Variants in GYPB observed in about 807,000 individuals in gnomAD.
The protein encoded by GYPB is glycophorin B (MNS blood group).
Under a neutral mutation model 15.3 loss-of-function variants are expected in GYPB, and 13 were observed. The observed-to-expected ratio is 0.85, with a 90% CI of 0.55 to 1.35. The LOEUF (loss-of-function observed/expected upper bound fraction) is 1.35. GYPB is among the 40% of genes most tolerant of loss of function. The probability of loss-of-function intolerance (pLI) is 0.00; values close to 1 mark genes in which losing one functional copy is unlikely to be tolerated. For synonymous variants in GYPB, 38 were observed against 36.9 expected, an observed-to-expected ratio of 1.03 and a Z score of -0.11; for missense variants, 131 against 108.3, an observed-to-expected ratio of 1.21 and a Z score of -0.93.
At chr4:144,007,321 C>G (rs1247535142) in intron 1 of GYPB, among the ~76,000 whole-genome samples, 1 of 151,896 alleles carries the variant, frequency 6.6e-6, no homozygotes, top group African/African-American at 2.4e-5. Context: ...ATGGAATGAG[C>G]CAGTTTCTGC....
chr4:144,009,601 C>CTTTTTTTTTTTTTTTTTTTTTT (rs55807150), intron 1 of GYPB, among the ~76,000 whole-genome samples: 1 of 57,804 alleles, frequency 1.7e-5, no homozygotes, highest in Admixed American at 3.3e-4. Context: ...TTTTTTCTTT[C>CTTTTTTTTTTTTTTTTTTTTTT]TTTTTTTTTT....
At chr4:144,016,427 C>T (rs1413525090) in intron 1 of GYPB, among the ~76,000 whole-genome samples, 2 of 147,430 alleles carry the variant, frequency 1.4e-5, no homozygotes, top group African/African-American at 5.2e-5. Flanking sequence ...TCTTTTCTTT[C>T]TTCCTTCCTC....
intron 1 of GYPB, among the ~76,000 whole-genome samples, chr4:144,015,165 C>G (rs555392122): frequency 6.6e-6 from 1 of 151,498 alleles, no homozygotes; most frequent in African/African-American, 2.4e-5. Flanking sequence ...TATATTAAAA[C>G]TTGTCCTGAT....
At chr4:144,000,998 C>G (rs1727590933) in intron 2 of GYPB, among the ~76,000 whole-genome samples, 187 bp downstream of exon 2, 1 of 151,336 alleles carries the variant, frequency 6.6e-6, no homozygotes, top group South Asian at 2.1e-4. Context: ...AGTATTATTT[C>G]TGTGAGATAT....
chr4:143,995,654 C>G (rs952038085), downstream of GYPB, among the ~76,000 whole-genome samples: 24 of 151,092 alleles, frequency 1.6e-4, 1 homozygote, highest in African/African-American at 5.7e-4. Context: ...TCTACGTGCT[C>G]CTACCCCTGT....
At chr4:144,005,964 A>G (rs1229801175) in intron 1 of GYPB, among the ~76,000 whole-genome samples, 1 of 151,556 alleles carries the variant, frequency 6.6e-6, no homozygotes, top group Admixed American at 6.6e-5. Context: ...GGCTTAGGTC[A>G]CCTAGCAGGC....
chr4:143,998,309 C>G (rs558255163), intron 3 of GYPB, among the ~76,000 whole-genome samples: 1 of 151,458 alleles, frequency 6.6e-6, no homozygotes, highest in Admixed American at 6.6e-5. Context: ...GAGATATTTC[C>G]ATATTTATAG....
intron 2 of GYPB, chr4:144,000,059 T>C (rs114556760): frequency 0.011 from 1,999 of 185,998 alleles, 98 homozygotes; most frequent in African/African-American, 0.043. Context: ...TGCCATTTTA[T>C]GTCATGAAGC....
At chr4:144,016,718 T>C (rs898202584) in intron 1 of GYPB, 1 of 368,900 alleles carries the variant, frequency 2.7e-6, no homozygotes, top group Non-Finnish European at 5.3e-6. Flanking sequence ...AGTGATATAG[T>C]ACTGTATTTT....
chr4:143,998,253 A>C (rs1281924825), intron 3 of GYPB, among the ~76,000 whole-genome samples: 2 of 151,488 alleles, frequency 1.3e-5, no homozygotes, highest in African/African-American at 2.5e-5. Context: ...ATGCTTGTTA[A>C]GTCATTTATA....
chr4:143,999,327 A>T (rs7661933), intron 3 of GYPB, 84 bp downstream of exon 3: 214,770 of 727,816 alleles, frequency 0.3, 34,824 homozygotes, highest in Middle Eastern at 0.37. Context: ...GTTTTAAGAT[A>T]GACACATTTT....
chr4:144,014,808 A>G (rs1478982349), intron 1 of GYPB, among the ~76,000 whole-genome samples: 1 of 151,606 alleles, frequency 6.6e-6, no homozygotes, highest in African/African-American at 2.4e-5. Flanking sequence ...AATTTTAAAA[A>G]TTAAGTGTAT....
chr4:144,009,779 A>C (rs1345350739), intron 1 of GYPB, among the ~76,000 whole-genome samples: 1 of 149,886 alleles, frequency 6.7e-6, no homozygotes, highest in East Asian at 2.0e-4. Flanking sequence ...AAGCCCGGCT[A>C]ATTTTTTGTA....
In GYPB at chr4:144,001,311, A is replaced by G. The variant is rs765564786; in HGVS notation, c.38-28T>C. 4.3e-6 allele frequency: 7 copies of G among 1,612,692 alleles called. No individual in the cohort carries two copies. In the South Asian group the frequency reaches 6.6e-5, roughly 15 times the overall value. ...GTATAAAATAGAAGTTGAGAAAGGG[A>G]TTAAGAACGAGGTGACTGAGCAGAC... On this transcript the variant is annotated intron_variant, in intron 1 of 4. Transcript: ENST00000502664.
chr4:144,001,122 A>G (rs1185649875), intron 2 of GYPB, 63 bp downstream of exon 2: 1 of 1,611,806 alleles, frequency 6.2e-7, no homozygotes, highest in Non-Finnish European at 8.5e-7. Flanking sequence ...GGTCCCCTAA[A>G]ATAGGGTTGC....
intron 2 of GYPB, 59 bp from the exon 3 acceptor site, chr4:143,999,508 T>A: frequency 1.1e-6 from 1 of 914,998 alleles, no homozygotes; most frequent in Non-Finnish European, 1.8e-6. Flanking sequence ...AAGAAAAAAA[T>A]CATTTTGGAA....
intron 3 of GYPB, 100 bp downstream of exon 3, chr4:143,999,311 T>A (rs555183307): frequency 1.5e-6 from 1 of 684,020 alleles, no homozygotes. Flanking sequence ...CAACATATGC[T>A]CTTCTGTTTT....
At position 143,997,635 on chromosome 4, in the gene GYPB, CT is replaced by C. The variant is rs1462655938; in HGVS notation, c.176-2del. The stretch of plus-strand genomic sequence containing the variant: ...ATAATGAGTATTATCACTACAGGAG[CT>C]AAAGAGAGCAGCAAAATTATGAAAG... On this transcript the variant is annotated splice_acceptor_variant, in intron 3 of 4. Transcript: ENST00000502664. LOFTEE classifies it high-confidence loss of function. The C allele has an allele frequency of 2.7e-6, 4 of 1,478,290 alleles. No individual in the cohort carries two copies. The African/African-American group carries it at 5.7e-5, about 21-fold the overall frequency. The allele number at this position is 1,478,290 out of a possible 1,614,324, so 91.6% of individuals were successfully genotyped here.
chr4:144,002,711 T>C (rs1299537904), intron 1 of GYPB: 55 of 1,283,392 alleles, frequency 4.3e-5, no homozygotes, highest in Middle Eastern at 2.2e-4. Flanking sequence ...AGCACACAAA[T>C]AACAGAAAAC....
Sources: allele counts gnomAD v4.1 joint callset (sites outside exome capture counted in the v4.1 genomes callset), GRCh38; gene constraint gnomAD v4.1.1; transcripts MANE v1.5; gene names NCBI Gene and HGNC (gene_info 2026-07-23, HGNC 2026-07-21).